Variants in TRHDE observed in about 807,000 individuals in gnomAD.
TRHDE encodes thyrotropin releasing hormone degrading enzyme.
TRHDE carries 72 observed loss-of-function variants against 125.7 expected under a neutral mutation model. That is an observed-to-expected ratio of 0.57 (90% CI 0.47 to 0.70). The LOEUF is 0.70. Ranked by LOEUF, TRHDE falls within the 30% of genes least tolerant of loss-of-function variation. The pLI, the probability that TRHDE is intolerant of heterozygous loss-of-function variation, is 0.00. For synonymous variants in TRHDE, 509 were observed against 509.1 expected (o/e 1.00, Z 0.00); for missense variants, 1,110 against 1,327.1 (o/e 0.84, Z 2.54).
chr12:72,592,779 C>T (rs1332399106), intron 12 of TRHDE, among the ~76,000 whole-genome samples: 7 of 151,346 alleles, frequency 4.6e-5, no homozygotes, highest in Non-Finnish European at 8.8e-5. Context: ...GGTGCGATCT[C>T]GGCTCACTGC....
chr12:72,541,926 G>T (rs951075365), intron 6 of TRHDE, among the ~76,000 whole-genome samples: 4 of 151,164 alleles, frequency 2.6e-5, no homozygotes, highest in African/African-American at 9.7e-5. Context: ...ATTAACATGG[G>T]TATCCTTCCC....
intron 2 of TRHDE, among the ~76,000 whole-genome samples, chr12:72,359,493 A>G (rs2135749358): frequency 6.6e-6 from 1 of 151,830 alleles, no homozygotes; most frequent in Admixed American, 6.6e-5. Context: ...AGAAAAATCA[A>G]TAGGTAGCTA....
intron 3 of TRHDE, among the ~76,000 whole-genome samples, chr12:72,467,635 T>C (rs1340648538): frequency 6.6e-6 from 1 of 152,044 alleles, no homozygotes; most frequent in Non-Finnish European, 1.5e-5. Flanking sequence ...GACAATATGG[T>C]GAAACCCCAT....
intron 2 of TRHDE, among the ~76,000 whole-genome samples, chr12:72,212,765 A>G (rs960987317): frequency 6.6e-6 from 1 of 152,146 alleles, no homozygotes; most frequent in African/African-American, 2.4e-5. Context: ...ACTTTGAAAA[A>G]CAGTTTGGCA....
At chr12:72,222,508 T>C (rs1878021546) in intron 2 of TRHDE, among the ~76,000 whole-genome samples, 1 of 120,342 alleles carries the variant, frequency 8.3e-6, no homozygotes, top group African/African-American at 3.2e-5. Flanking sequence ...TCTGGATCCT[T>C]TGGCTGGGTT....
intron 15 of TRHDE, among the ~76,000 whole-genome samples, chr12:72,651,055 ATGTC>A (rs1171258758): frequency 2.0e-5 from 3 of 152,140 alleles, no homozygotes; most frequent in Non-Finnish European, 4.4e-5. Context: ...GGTTTATTCT[ATGTC>A]TGTGTTTCCT....
chr12:72,621,824 T>C, intron 15 of TRHDE, 73 bp downstream of exon 15: 1 of 1,124,560 alleles, frequency 8.9e-7, no homozygotes, highest in Non-Finnish European at 1.3e-6. Flanking sequence ...ATGCATTTCA[T>C]TTACCAACTG....
intron 2 of TRHDE, among the ~76,000 whole-genome samples, chr12:72,173,009 T>C (rs2956435): frequency 0.97 from 148,339 of 152,302 alleles, 72,276 homozygotes; most frequent in East Asian, 1. Context: ...AGAATACTAT[T>C]TTTTATTAGT....
At chr12:72,098,696 C>A (rs990352314) in intron 1 of TRHDE, among the ~76,000 whole-genome samples, 2 of 152,136 alleles carry the variant, frequency 1.3e-5, no homozygotes, top group East Asian at 1.9e-4. Flanking sequence ...TGTCTAGTCA[C>A]TGGAAGATGA....
At chr12:72,158,450 T>C (rs1592463422) in intron 2 of TRHDE, among the ~76,000 whole-genome samples, 2 of 151,592 alleles carry the variant, frequency 1.3e-5, no homozygotes, top group Non-Finnish European at 2.9e-5. Flanking sequence ...GTGTGTGTAA[T>C]TGCCTCTTTG....
chr12:72,220,077 C>T (rs1486139734), intron 2 of TRHDE, among the ~76,000 whole-genome samples: 1 of 152,106 alleles, frequency 6.6e-6, no homozygotes, highest in Non-Finnish European at 1.5e-5. Context: ...GTACTGCATA[C>T]TTTCAGACCA....
At chr12:72,347,269 G>T (rs757268694) in intron 2 of TRHDE, among the ~76,000 whole-genome samples, 1 of 152,024 alleles carries the variant, frequency 6.6e-6, no homozygotes, top group African/African-American at 2.4e-5. Context: ...AAGATGCTGT[G>T]GTCCTGGAAT....
chr12:72,233,436 G>A (rs779349641), intron 2 of TRHDE, among the ~76,000 whole-genome samples: 1 of 152,130 alleles, frequency 6.6e-6, no homozygotes, highest in Admixed American at 6.6e-5. Context: ...GAAGTGACTC[G>A]AGATGGCTAG....
intron 2 of TRHDE, among the ~76,000 whole-genome samples, chr12:72,323,779 G>C (rs1236358804): frequency 1.3e-5 from 2 of 152,084 alleles, no homozygotes; most frequent in African/African-American, 2.4e-5. Flanking sequence ...TGTATAGAGA[G>C]ATGGGGTTGT....
chr12:72,159,902 T>C (rs1876598414), intron 2 of TRHDE, among the ~76,000 whole-genome samples: 1 of 152,166 alleles, frequency 6.6e-6, no homozygotes, highest in African/African-American at 2.4e-5. Flanking sequence ...TCATCTCATT[T>C]TGTTGTCATA....
At chr12:72,597,705 GTGTGTA>G (rs1426816984) in intron 12 of TRHDE, among the ~76,000 whole-genome samples, 10 of 61,988 alleles carry the variant, frequency 1.6e-4, no homozygotes, top group Admixed American at 9.2e-4. Flanking sequence ...ATATATGTGT[GTGTGTA>G]TGTATATATA....
intron 3 of TRHDE, among the ~76,000 whole-genome samples, chr12:72,421,150 C>T (rs1873936482): frequency 6.6e-6 from 1 of 152,102 alleles, no homozygotes; most frequent in Non-Finnish European, 1.5e-5. Flanking sequence ...AACTCAGATT[C>T]AACCAACTCA....
chr12:72,344,799 G>A (rs1480742308), intron 2 of TRHDE, among the ~76,000 whole-genome samples: 3 of 151,976 alleles, frequency 2.0e-5, no homozygotes, highest in East Asian at 3.9e-4. Context: ...GCTCCTGCCT[G>A]GTCAAGCATC....
intron 3 of TRHDE, among the ~76,000 whole-genome samples, chr12:72,386,474 T>A (rs950629067): frequency 5.3e-5 from 8 of 152,212 alleles, no homozygotes; most frequent in African/African-American, 1.9e-4. Context: ...AGGACATTGC[T>A]TCAGGAATTT....
Sources: allele counts gnomAD v4.1 joint callset (sites outside exome capture counted in the v4.1 genomes callset), GRCh38; gene constraint gnomAD v4.1.1; transcripts MANE v1.5; gene names NCBI Gene and HGNC (gene_info 2026-07-23, HGNC 2026-07-21).